HMGA2: variants seen among roughly 807,000 people sequenced by gnomAD.
The protein encoded by HMGA2 is high mobility group protein HMGI-C.
Under a neutral mutation model 19.1 loss-of-function variants are expected in HMGA2, and 8 were observed. The ratio of observed to expected loss-of-function variants is 0.42; its 90% CI spans 0.25 to 0.76. HMGA2 has a LOEUF of 0.76. HMGA2 is among the 30% of genes least tolerant of loss of function. HMGA2 has a pLI of 0.28. For synonymous variants in HMGA2, 60 were observed against 48.8 expected (o/e 1.23, Z -0.96); for missense variants, 109 against 136.3 (o/e 0.80, Z 1.00).
intron 3 of HMGA2, among the ~76,000 whole-genome samples, chr12:65,908,798 A>G (rs1189157213): frequency 6.6e-6 from 1 of 152,200 alleles, no homozygotes; most frequent in Non-Finnish European, 1.5e-5. Context: ...CCCAACTCCC[A>G]TATAGACTGA....
At chr12:65,903,034 T>C (rs1874437981) in intron 3 of HMGA2, among the ~76,000 whole-genome samples, 1 of 152,226 alleles carries the variant, frequency 6.6e-6, no homozygotes, top group African/African-American at 2.4e-5. Context: ...TTCGTATATA[T>C]TGGTCTAAAT....
At chr12:65,956,218 T>G (rs1438278854) in intron 4 of HMGA2, 1 of 152,218 alleles carries the variant, frequency 6.6e-6, no homozygotes, top group African/African-American at 2.4e-5. Flanking sequence ...TTTATTTTCT[T>G]GCTTATGCAC....
chr12:65,865,450 T>A (rs543232533), intron 3 of HMGA2, among the ~76,000 whole-genome samples: 1 of 152,238 alleles, frequency 6.6e-6, no homozygotes, highest in Admixed American at 6.5e-5. Context: ...AGTAAAAATA[T>A]TATAGCTGTT....
At chr12:65,881,230 G>T (rs1291611478) in intron 3 of HMGA2, 1 of 159,394 alleles carries the variant, frequency 6.3e-6, no homozygotes, top group Non-Finnish European at 1.4e-5. Context: ...TCGCATCTGT[G>T]CCCCTACCTC....
intron 3 of HMGA2, among the ~76,000 whole-genome samples, chr12:65,920,614 A>C (rs1416971161): frequency 6.6e-6 from 1 of 152,164 alleles, no homozygotes; most frequent in Non-Finnish European, 1.5e-5. Context: ...ATAGTGAATA[A>C]GTCTCACAAG....
At chr12:65,928,218 T>C (rs1041837041) in intron 3 of HMGA2, among the ~76,000 whole-genome samples, 4 of 152,144 alleles carry the variant, frequency 2.6e-5, no homozygotes, top group South Asian at 2.1e-4. Flanking sequence ...CTGTAGGCAA[T>C]TGTAACACAA....
At chr12:65,955,673 T>C (rs1876585670) in intron 4 of HMGA2, 1 of 152,208 alleles carries the variant, frequency 6.6e-6, no homozygotes, top group African/African-American at 2.4e-5. Context: ...TCCTTTTCAA[T>C]TTCCCAATGA....
intron 3 of HMGA2, among the ~76,000 whole-genome samples, chr12:65,941,990 T>C (rs1169548555): frequency 6.6e-6 from 1 of 152,228 alleles, no homozygotes; most frequent in East Asian, 1.9e-4. Context: ...AATCTCTATC[T>C]GAATAATTGG....
chr12:65,915,202 G>C lies in HMGA2; in HGVS notation c.250-36181G>C, dbSNP rs1482542720. 3 of 1,605,794 alleles carry C rather than the reference G, an allele frequency of 1.9e-6. No individual in the cohort carries two copies. In the African/African-American group the frequency reaches 4.0e-5, roughly 21 times the overall value. On this transcript the variant is annotated intron_variant, in intron 3 of 4. Coordinates refer to ENST00000403681, the MANE Select transcript of HMGA2 (RefSeq NM_003483.6). Reference sequence around the variant, plus strand: ...TTGAGGAATTGTCCATTACATCTATGAGCCTTATGTGTGGCTTTCTCCGAT... The same window carrying C: ...TTGAGGAATTGTCCATTACATCTATCAGCCTTATGTGTGGCTTTCTCCGAT...
rs1226443874 is a variant in HMGA2, at chr12:65,842,559, T to A, written c.249+3990T>A. ...TTTAAGAACTGCTTATAAATAATACTAAAGAACATTTTAATTCTCTTTGCT... is the reference window on the plus strand; with the variant it reads ...TTTAAGAACTGCTTATAAATAATACAAAAGAACATTTTAATTCTCTTTGCT... On this transcript the variant is annotated intron_variant, in intron 3 of 4. Transcript: ENST00000403681. The A allele has an allele frequency of 3.4e-6, 5 of 1,453,854 alleles. No individual in the cohort carries two copies. In the East Asian group the frequency reaches 9.9e-5, roughly 29 times the overall value. The allele number at this position is 1,453,854 out of a possible 1,614,324, so 90.1% of individuals were successfully genotyped here. A position where few individuals can be genotyped will look rare whatever the true frequency, so the allele number is the denominator to read the frequency against.
At chr12:65,950,094 A>G (rs770033372) in intron 3 of HMGA2, among the ~76,000 whole-genome samples, 2 of 152,210 alleles carry the variant, frequency 1.3e-5, no homozygotes, top group Non-Finnish European at 2.9e-5. Context: ...CTCCAGATTC[A>G]TTGCTGGTGG....
chr12:65,862,656 C>G (rs1020965879), intron 3 of HMGA2, among the ~76,000 whole-genome samples: 1 of 152,092 alleles, frequency 6.6e-6, no homozygotes, highest in East Asian at 1.9e-4. Context: ...GATGACCATG[C>G]AACTCAAGAA....
In HMGA2 at chr12:65,885,617, A is replaced by T. The variant is rs1026270474; in HGVS notation, c.249+47048A>T. Among the ~76,000 whole-genome samples the T allele has an allele frequency of 1.1e-4, 17 of 152,304 alleles. No homozygotes were observed. The East Asian group carries it at 3.1e-3, about 28-fold the overall frequency. On this transcript the variant is annotated intron_variant, in intron 3 of 4. Transcript: ENST00000403681. ...TGTGCAGTCCCTGGGAACAAATAAC[A>T]TGTTGGAAAATGGTTTACTTGGTGG...
chr12:65,844,077 A>G (rs1275846773), intron 3 of HMGA2, among the ~76,000 whole-genome samples: 8 of 151,524 alleles, frequency 5.3e-5, no homozygotes, highest in Admixed American at 2.0e-4. Flanking sequence ...AAAGAAATAT[A>G]TAACTGCAAT....
intron 3 of HMGA2, among the ~76,000 whole-genome samples, chr12:65,933,212 T>A (rs939253821): frequency 6.6e-6 from 1 of 152,154 alleles, no homozygotes; most frequent in South Asian, 2.1e-4. Context: ...AAATGTTTCC[T>A]TCATTCATTA....
chr12:65,828,087 G>T lies in HMGA2; in HGVS notation c.198G>T (p.Lys66Asn). The part of the protein sequence containing the change: ...KNKSPSKAAQ[K>N]KAEATGEKRP... ...AGAGTCCCTCTAAAGCAGCTCAAAA[G>T]GTGAGATTTCTCAAGTCAAGCTCTC... Residue 66 changes from lysine to asparagine, a missense_variant and splice_region_variant, in exon 2 of 5, where the codon AAG (lysine) becomes AAT (asparagine). By Grantham distance (94) the Lys-to-Asn change is moderately conservative. Transcript: ENST00000403681. 6.2e-7 allele frequency: 1 copy of T among 1,610,546 alleles called. No individual in the cohort carries two copies. Among genetic ancestry groups the T allele is most frequent in the Non-Finnish European group, 8.5e-7 (1 of 1,176,840 alleles).
chr12:65,888,129 A>T (rs1464420708), intron 3 of HMGA2, among the ~76,000 whole-genome samples: 1 of 152,038 alleles, frequency 6.6e-6, no homozygotes, highest in Non-Finnish European at 1.5e-5. Context: ...ATAGTTTATG[A>T]GTTAGGGAGG....
chr12:65,868,950 G>T (rs1872572354), intron 3 of HMGA2, among the ~76,000 whole-genome samples: 1 of 152,190 alleles, frequency 6.6e-6, no homozygotes, highest in African/African-American at 2.4e-5. Flanking sequence ...GTCCCAAACT[G>T]CCAATGCATT....
At position 65,963,781 on chromosome 12, in the gene HMGA2, G is replaced by A; in HGVS notation, c.*489G>A. 2 of 246,510 alleles carry A rather than the reference G, an allele frequency of 8.1e-6. No homozygotes were observed. The highest frequency in any genetic ancestry group is 1.6e-5 in the Non-Finnish European group (2 of 127,886). The allele number at this position is 246,510 out of a possible 1,614,324, so 15.3% of individuals were successfully genotyped here. ...ATACCACCCCAACCCACTCCCTGTA[G>A]TGAATCCTCTGTTTAGAACACCAAA... On this transcript the variant is annotated 3_prime_UTR_variant, in exon 5 of 5. Coordinates refer to ENST00000403681, the MANE Select transcript of HMGA2 (RefSeq NM_003483.6).
Sources: allele counts gnomAD v4.1 joint callset (sites outside exome capture counted in the v4.1 genomes callset), GRCh38; gene constraint gnomAD v4.1.1; transcripts MANE v1.5; gene names NCBI Gene and HGNC (gene_info 2026-07-23, HGNC 2026-07-21).